Variants in SGIP1 observed in about 807,000 individuals in gnomAD.
The protein encoded by SGIP1 is SH3-containing GRB2-like protein 3-interacting protein 1.
In SGIP1, 38 loss-of-function variants were observed where a neutral mutation model predicts 107.5. That is an observed-to-expected ratio of 0.35 (90% CI 0.27 to 0.46). SGIP1 has a LOEUF of 0.46. SGIP1 is among the 20% of genes least tolerant of loss of function. The pLI, the probability that SGIP1 is intolerant of heterozygous loss-of-function variation, is 1.00. For synonymous variants in SGIP1, 365 were observed against 366.1 expected (o/e 1.00, Z 0.03); for missense variants, 929 against 1,019.5 (o/e 0.91, Z 1.21).
intron 21 of SGIP1, among the ~76,000 whole-genome samples, chr1:66,735,189 T>C (rs990442399): frequency 1.6e-4 from 12 of 73,386 alleles, no homozygotes; most frequent in Non-Finnish European, 3.3e-4. Context: ...AACTTTTATT[T>C]TTATGTTATT....
At chr1:66,667,737 A>G (rs894981368) in intron 9 of SGIP1, among the ~76,000 whole-genome samples, 196 bp downstream of exon 9, 1 of 152,190 alleles carries the variant, frequency 6.6e-6, no homozygotes, top group Admixed American at 6.5e-5. Flanking sequence ...GCACTTTCCC[A>G]TAAGTAACTA....
chr1:66,635,893 A>G (rs1310901142), intron 3 of SGIP1, 51 bp from the exon 4 acceptor site: 1 of 1,571,662 alleles, frequency 6.4e-7, no homozygotes, highest in African/African-American at 1.4e-5. Context: ...GTCTTGAAGA[A>G]CAAGCAGATC....
intron 1 of SGIP1, among the ~76,000 whole-genome samples, chr1:66,575,979 C>T (rs140950698): frequency 1.3e-5 from 2 of 152,200 alleles, no homozygotes; most frequent in Non-Finnish European, 2.9e-5. Context: ...CTGCAGGACC[C>T]GTTTTCCTAG....
intron 18 of SGIP1, among the ~76,000 whole-genome samples, chr1:66,707,208 T>C (rs1289623424): frequency 6.6e-6 from 1 of 152,158 alleles, no homozygotes; most frequent in African/African-American, 2.4e-5. Flanking sequence ...AAATAAACTT[T>C]GTCAAGTGTA....
At chr1:66,613,720 C>G (rs2068554999) in intron 1 of SGIP1, among the ~76,000 whole-genome samples, 1 of 152,174 alleles carries the variant, frequency 6.6e-6, no homozygotes, top group Non-Finnish European at 1.5e-5. Context: ...CCTCAAACAC[C>G]ACGCAATAAT....
Position 66,741,447 on chromosome 1 carries a change from A to G in SGIP1, c.2464+11A>G. On this transcript the variant is annotated intron_variant, in intron 24 of 24. Transcript: ENST00000371037. Reference sequence around the variant, plus strand: ...AAAGGTTTGCTGCAGGTAAATGAGTATCTTGATTTTTTCATTTGCGAAAAT... The same window carrying G: ...AAAGGTTTGCTGCAGGTAAATGAGTGTCTTGATTTTTTCATTTGCGAAAAT... The G allele has an allele frequency of 6.5e-7, 1 of 1,543,906 alleles. No homozygotes were observed.
chr1:66,595,504 AATAAGGGTG>A (rs1253524131), intron 1 of SGIP1, among the ~76,000 whole-genome samples: 1 of 152,224 alleles, frequency 6.6e-6, no homozygotes, highest in Non-Finnish European at 1.5e-5. Context: ...TTTTCACCAT[AATAAGGGTG>A]ATAACTTTCA....
At chr1:66,652,745 T>G (rs1318909364) in intron 7 of SGIP1, among the ~76,000 whole-genome samples, 1 of 151,634 alleles carries the variant, frequency 6.6e-6, no homozygotes, top group Non-Finnish European at 1.5e-5. Context: ...CCCCATTGAG[T>G]TCAGTGAAAA....
At chr1:66,688,532 G>A (rs1275353199) in intron 15 of SGIP1, among the ~76,000 whole-genome samples, 1 of 152,194 alleles carries the variant, frequency 6.6e-6, no homozygotes, top group Non-Finnish European at 1.5e-5. Flanking sequence ...TCTAAATTCA[G>A]TGCATGTCTG....
At chr1:66,571,375 A>C (rs2060355085) in intron 1 of SGIP1, among the ~76,000 whole-genome samples, 1 of 151,994 alleles carries the variant, frequency 6.6e-6, no homozygotes, top group Non-Finnish European at 1.5e-5. Context: ...GAGCAAACAT[A>C]CTATTAAAAA....
chr1:66,643,584 A>G lies in SGIP1; in HGVS notation c.324A>G (p.Glu108=), dbSNP rs764686817. Residue 108 remains glutamate, a synonymous_variant, in exon 7 of 25, where the codon GAA becomes GAG. Coordinates refer to ENST00000371037, the MANE Select transcript of SGIP1 (RefSeq NM_032291.4). ...GKHFYSSSES[E]EEEESHKKFN... ...ACTTTTATTCTTCAAGTGAATCGGA[A>G]GAAGAAGAAGAATCACATAAGAAAT... The G allele has an allele frequency of 8.7e-6, 14 of 1,600,002 alleles. No individual in the cohort carries two copies. Among genetic ancestry groups the G allele is most frequent in the Non-Finnish European group, 2.6e-6 (3 of 1,172,342 alleles).
chr1:66,552,236 T>A (rs2148289651), intron 1 of SGIP1, among the ~76,000 whole-genome samples: 1 of 152,280 alleles, frequency 6.6e-6, no homozygotes, highest in African/African-American at 2.4e-5. Flanking sequence ...TCACTTCTCA[T>A]CAACTCCTCT....
At chr1:66,608,636 C>T (rs557577544) in intron 1 of SGIP1, among the ~76,000 whole-genome samples, 15 of 152,202 alleles carry the variant, frequency 9.9e-5, no homozygotes, top group Non-Finnish European at 2.1e-4. Context: ...TATGATGTTT[C>T]ATTTCCCCTC....
intron 1 of SGIP1, among the ~76,000 whole-genome samples, chr1:66,592,858 T>G (rs2063869101): frequency 6.7e-6 from 1 of 149,104 alleles, no homozygotes; most frequent in Non-Finnish European, 1.5e-5. Flanking sequence ...GCCTTGCCTT[T>G]CCTTCCTTCC....
At chr1:66,572,838 C>T (rs955959382) in intron 1 of SGIP1, among the ~76,000 whole-genome samples, 25 of 151,714 alleles carry the variant, frequency 1.6e-4, no homozygotes, top group South Asian at 6.2e-4. Flanking sequence ...AACTACAATG[C>T]GATATATCCA....
At chr1:66,668,196 A>G (rs868070073) in intron 9 of SGIP1, among the ~76,000 whole-genome samples, 3 of 149,202 alleles carry the variant, frequency 2.0e-5, no homozygotes, top group Non-Finnish European at 4.5e-5. Flanking sequence ...AGTATCATAA[A>G]TTTTTTTTTT....
chr1:66,616,570 A>G (rs1240959797), intron 1 of SGIP1, among the ~76,000 whole-genome samples: 1 of 152,226 alleles, frequency 6.6e-6, no homozygotes, highest in Non-Finnish European at 1.5e-5. Context: ...AACTTGTCTT[A>G]GGAAGAAGTT....
Position 66,660,168 on chromosome 1 carries a change from AAAGAAAGAAAGAAAGAAAGAAAG to A in SGIP1, c.460-342_460-320del, listed in dbSNP as rs2081043197. ...GAGAGAAAGAAAGAAAGAAAGAAAG[AAAGAAAGAAAGAAAGAAAGAAAG>A]AAAGAAAGAAAGAAAGAAAGAAAGA... On this transcript the variant is annotated intron_variant, in intron 7 of 24. Coordinates refer to ENST00000371037, the MANE Select transcript of SGIP1 (RefSeq NM_032291.4). 6.0e-5 allele frequency: 8 copies of A among 133,878 alleles called. 1 individual carries two copies. The highest frequency in any genetic ancestry group is 3.5e-4 in the African/African-American group (8 of 22,622). 8.3% of individuals were successfully genotyped at this position (133,878 alleles called of 1,614,324 possible).
rs983640946 is a variant in SGIP1 at position 66,750,067 on chromosome 1, G to A, written c.*6972G>A. ...TGTGTGTGTGTGTGTGTGTGTGTGT[G>A]TCTCTTTCCTCTCTGTCTAAGGGGA... On this transcript the variant is annotated 3_prime_UTR_variant, in exon 25 of 25. Coordinates refer to ENST00000371037, the MANE Select transcript of SGIP1 (RefSeq NM_032291.4). Among the ~76,000 whole-genome samples the A allele has an allele frequency of 6.7e-6, 1 of 148,478 alleles. No individual in the cohort carries two copies. The highest frequency in any genetic ancestry group is 2.5e-5 in the African/African-American group (1 of 39,672).
Sources: allele counts gnomAD v4.1 joint callset (sites outside exome capture counted in the v4.1 genomes callset), GRCh38; gene constraint gnomAD v4.1.1; transcripts MANE v1.5; gene names NCBI Gene and HGNC (gene_info 2026-07-23, HGNC 2026-07-21).